AFF1: variants seen among roughly 807,000 people sequenced by gnomAD.
AFF1 encodes AF4/FMR2 family member 1.
In AFF1, 48 loss-of-function variants were observed where a neutral mutation model predicts 121.7. The observed-to-expected ratio is 0.39, with a 90% CI of 0.31 to 0.50. The LOEUF (loss-of-function observed/expected upper bound fraction) is 0.50, where lower values mean the gene tolerates loss of function less well. Ranked by LOEUF, AFF1 falls within the 20% of genes least tolerant of loss-of-function variation. AFF1 has a pLI of 0.76. For missense variants in AFF1, 1,523 were observed against 1,511.7 expected (o/e 1.01, Z -0.12); for synonymous variants, 613 against 563.0 (o/e 1.09, Z -1.26).
At chr4:87,086,881 A>G (rs571344019) in intron 5 of AFF1, among the ~76,000 whole-genome samples, 1 of 152,324 alleles carries the variant, frequency 6.6e-6, no homozygotes, top group East Asian at 1.9e-4. Context: ...ATCATAGAAG[A>G]TAATGTTTGG....
Position 87,114,926 on chromosome 4 carries a change from A to G in AFF1, c.2093A>G (p.Asp698Gly). The change falls in exon 12 of 21, where the codon GAC (aspartate) becomes GGC (glycine). Residue 698 changes from aspartate to glycine, a missense_variant. By Grantham distance (94) the Asp-to-Gly change is moderately conservative. Around this residue, in one of 5 missense-constraint regions of AFF1, gnomAD observed 905 missense variants for 842.5 expected, o/e 1.07. Coordinates refer to ENST00000395146, the MANE Select transcript of AFF1 (RefSeq NM_001166693.3). Reference protein sequence around the residue: ...KALSGPEPAKDNVEDRTPEHF... With the variant: ...KALSGPEPAKGNVEDRTPEHF... ...CTCTCAGGCCCAGAACCCGCGAAGG[A>G]CAATGTGGAGGACAGGACCCCTGAG... The G allele has an allele frequency of 6.2e-7, 1 of 1,612,612 alleles. No individual in the cohort carries two copies. The highest frequency in any genetic ancestry group is 8.5e-7 in the Non-Finnish European group (1 of 1,179,362).
chr4:87,046,813 G>A lies in AFF1; in HGVS notation c.278G>A (p.Arg93Lys). The A allele has an allele frequency of 1.9e-6, 3 of 1,614,218 alleles. No individual in the cohort carries two copies. The highest frequency in any genetic ancestry group is 8.5e-7 in the Non-Finnish European group (1 of 1,180,042). ...HTHRLDASEN[R>K]LGKPKYPLIP... is the part of the protein sequence containing the mutation. ...CATCGCCTGGATGCTTCTGAAAATA[G>A]GTTGGGAAAGCCGAAATATCCTTTA... is the stretch of plus-strand genomic sequence containing the variant. Residue 93 changes from arginine (R) to lysine (K), a missense_variant, in exon 4 of 21, where the codon AGG becomes AAG. Coordinates refer to ENST00000395146, the MANE Select transcript of AFF1 (RefSeq NM_001166693.3).
At chr4:87,134,960 G>T (rs1245838827) in intron 20 of AFF1, among the ~76,000 whole-genome samples, 2 of 152,234 alleles carry the variant, frequency 1.3e-5, no homozygotes, top group Non-Finnish European at 2.9e-5. Flanking sequence ...AAGCTCTGCT[G>T]TCATTACTTC....
At chr4:87,004,123 T>C (rs1725916005) in intron 2 of AFF1, among the ~76,000 whole-genome samples, 1 of 152,116 alleles carries the variant, frequency 6.6e-6, no homozygotes. Flanking sequence ...GGATCTGGAG[T>C]CTGTTTTTAA....
At chr4:87,117,184 C>T (rs1296372001) in intron 12 of AFF1, among the ~76,000 whole-genome samples, 1 of 152,224 alleles carries the variant, frequency 6.6e-6, no homozygotes, top group African/African-American at 2.4e-5. Flanking sequence ...GAAAGGGAAA[C>T]TTTCAGCTCT....
intron 4 of AFF1, among the ~76,000 whole-genome samples, chr4:87,080,487 G>A (rs1408224003): frequency 2.0e-5 from 3 of 152,192 alleles, no homozygotes; most frequent in Non-Finnish European, 2.9e-5. Context: ...GCTCCTTTTA[G>A]TAGGAGTAGC....
Position 87,138,028 on chromosome 4 carries a change from GTT to G in AFF1, c.*2339_*2340del, listed in dbSNP as rs34387408. ...TTTTCAGTGGCCTTACTCTTTGTGGGTTTTTTTTTTTTTCTCTGAACTTGATA... is the reference window on the plus strand; with the variant it reads ...TTTTCAGTGGCCTTACTCTTTGTGGGTTTTTTTTTTTCTCTGAACTTGATA... On this transcript the variant is annotated 3_prime_UTR_variant, in exon 21 of 21. Transcript: ENST00000395146. The G allele has an allele frequency of 1.9e-3, 392 of 211,786 alleles. 5 individuals are homozygous for G. Among genetic ancestry groups the G allele is most frequent in the African/African-American group, 6.7e-3 (284 of 42,668 alleles). 13.1% of individuals were successfully genotyped at this position (211,786 alleles called of 1,614,324 possible).
chr4:87,134,177 C>T (rs1729096881), intron 19 of AFF1, among the ~76,000 whole-genome samples: 1 of 152,148 alleles, frequency 6.6e-6, no homozygotes, highest in Non-Finnish European at 1.5e-5. Flanking sequence ...CAGGTGGGTG[C>T]ACACACATAC....
chr4:86,994,088 TTAAG>T (rs371990567), intron 2 of AFF1, among the ~76,000 whole-genome samples: 93 of 152,370 alleles, frequency 6.1e-4, no homozygotes, highest in African/African-American at 2.1e-3. Context: ...CAGCCTTACT[TTAAG>T]TAACAAGGCA....
intron 1 of AFF1, among the ~76,000 whole-genome samples, chr4:86,939,082 C>T (rs999354868): frequency 1.3e-5 from 2 of 152,078 alleles, no homozygotes; most frequent in Admixed American, 6.5e-5. Flanking sequence ...GTGAGCCAGA[C>T]GGTATCCTAA....
chr4:86,983,307 C>T (rs556254968), intron 2 of AFF1, among the ~76,000 whole-genome samples: 1 of 152,192 alleles, frequency 6.6e-6, no homozygotes, highest in South Asian at 2.1e-4. Context: ...GTGGGAGAAT[C>T]ACCTGAGGTC....
chr4:87,081,611 T>C (rs1723191230), intron 4 of AFF1, among the ~76,000 whole-genome samples: 2 of 152,230 alleles, frequency 1.3e-5, no homozygotes, highest in Non-Finnish European at 2.9e-5. Flanking sequence ...TGCCATTTGC[T>C]CATTTCCAAT....
intron 4 of AFF1, among the ~76,000 whole-genome samples, chr4:87,070,235 C>T (rs1721889723): frequency 6.6e-6 from 1 of 152,244 alleles, no homozygotes; most frequent in Non-Finnish European, 1.5e-5. Flanking sequence ...ATCTCCTGAC[C>T]TTGTGATCCA....
chr4:87,121,747 G>T (rs750930660), intron 12 of AFF1, among the ~76,000 whole-genome samples: 9 of 152,246 alleles, frequency 5.9e-5, no homozygotes, highest in Non-Finnish European at 1.2e-4. Context: ...TATTATTCCA[G>T]TAAGTGCCAA....
At chr4:87,034,024 C>CG (rs1729318126) in intron 2 of AFF1, among the ~76,000 whole-genome samples, 1 of 151,982 alleles carries the variant, frequency 6.6e-6, no homozygotes, top group Non-Finnish European at 1.5e-5. Context: ...CAGATGATGA[C>CG]GGAACAGATG....
intron 4 of AFF1, among the ~76,000 whole-genome samples, chr4:87,052,061 C>A (rs910080033): frequency 6.6e-6 from 1 of 151,990 alleles, no homozygotes; most frequent in Admixed American, 6.6e-5. Context: ...GATGAACATG[C>A]GTCAGTCATG....
chr4:86,992,688 C>T (rs2149507787), intron 2 of AFF1, among the ~76,000 whole-genome samples: 1 of 152,172 alleles, frequency 6.6e-6, no homozygotes, highest in Non-Finnish European at 1.5e-5. Flanking sequence ...AAGGGAAGAC[C>T]CCTCCTTTCT....
chr4:86,997,702 C>T (rs1016526304), intron 2 of AFF1, among the ~76,000 whole-genome samples: 2 of 150,510 alleles, frequency 1.3e-5, no homozygotes, highest in Non-Finnish European at 1.5e-5. Context: ...GCAGAGCTTG[C>T]AGTGAGCCAA....
intron 2 of AFF1, among the ~76,000 whole-genome samples, chr4:87,030,862 G>A (rs1322943170): frequency 2.6e-5 from 4 of 152,066 alleles, no homozygotes. Context: ...GCCTCTTTTG[G>A]GCAATGAGGA....
Sources: gnomAD v4.1 joint callset for allele counts (sites outside exome capture counted in the v4.1 genomes callset) on GRCh38, gnomAD v4.1.1 for gene constraint, gnomAD v4.1.1 regional missense constraint, MANE v1.5 for transcripts, NCBI Gene and HGNC (gene_info 2026-07-23, HGNC 2026-07-21) for gene names.